Variants in GRPR observed in about 807,000 individuals in gnomAD.
GRPR encodes gastrin-releasing peptide receptor.
GRPR carries 4 observed loss-of-function variants against 15.6 expected under a neutral mutation model. The observed-to-expected ratio is 0.26, with a 90% CI of 0.13 to 0.59. The LOEUF (loss-of-function observed/expected upper bound fraction) is 0.59. Ranked by LOEUF, GRPR falls within the 20% of genes least tolerant of loss-of-function variation. GRPR has a pLI of 0.90. For missense variants in GRPR, 270 were observed against 304.1 expected (o/e 0.89, Z 0.83); for synonymous variants, 128 against 126.8 (o/e 1.01, Z -0.06).
At chrX:16,124,431 A>G in intron 1 of GRPR, 65 bp downstream of exon 1, 2 of 1,005,818 alleles carry the variant, frequency 2.0e-6, no homozygotes, top group Non-Finnish European at 2.8e-6. Context: ...ATGAACTACC[A>G]TGTCGGGACA....
intron 1 of GRPR, among the ~76,000 whole-genome samples, chrX:16,146,327 T>C (rs1252116789): frequency 5.4e-5 from 6 of 111,753 alleles, no homozygotes; most frequent in Non-Finnish European, 1.1e-4. Flanking sequence ...GGACATCTCT[T>C]GTACATTCAA....
chrX:16,149,080 A>G (rs1370995125), intron 1 of GRPR, among the ~76,000 whole-genome samples: 1 of 111,994 alleles, frequency 8.9e-6, no homozygotes, highest in Non-Finnish European at 1.9e-5. Context: ...GTGATTATAC[A>G]TGGGCCTGGC....
Position 16,132,844 on chromosome X carries a change from T to C in GRPR, c.413+8478T>C, listed in dbSNP as rs143779618. On this transcript the variant is annotated intron_variant, in intron 1 of 2. Coordinates refer to ENST00000380289, the MANE Select transcript of GRPR (RefSeq NM_005314.3). ...TGAGTAATCTTAAATACTTATTCAA[T>C]TGATGACTCCTAGTAACCTATTTTT... Among the ~76,000 whole-genome samples the C allele has an allele frequency of 7.1e-3, 796 of 112,099 alleles. 10 individuals are homozygous for C. The highest frequency in any genetic ancestry group is 0.025 in the African/African-American group (766 of 30,961).
At chrX:16,137,332 C>T (rs1922464289) in intron 1 of GRPR, among the ~76,000 whole-genome samples, 2 of 111,721 alleles carry the variant, frequency 1.8e-5, no homozygotes, top group South Asian at 7.5e-4. Context: ...ACCTGGGTCC[C>T]GTGTGATGCT....
intron 1 of GRPR, among the ~76,000 whole-genome samples, chrX:16,131,418 T>G (rs1200633024): frequency 8.9e-6 from 1 of 112,186 alleles, no homozygotes; most frequent in Non-Finnish European, 1.9e-5. Flanking sequence ...GGCCACTGAA[T>G]CTGAAGAAAT....
intron 1 of GRPR, among the ~76,000 whole-genome samples, chrX:16,144,492 A>AG (rs1922576484): frequency 1.8e-5 from 2 of 111,949 alleles, no homozygotes; most frequent in Admixed American, 1.9e-4. Flanking sequence ...AGACTTCCGT[A>AG]GGTAATTATG....
chrX:16,123,680 T>C lies in GRPR; in HGVS notation c.-274T>C. On this transcript the variant is annotated 5_prime_UTR_variant, in exon 1 of 3. Coordinates refer to ENST00000380289, the MANE Select transcript of GRPR (RefSeq NM_005314.3). ...AAGAACTGATGCAGAGTGGGTTTAATTCTAAGCCTTTTTGTGGCTAAGTTT... is the reference window on the plus strand; with the variant it reads ...AAGAACTGATGCAGAGTGGGTTTAACTCTAAGCCTTTTTGTGGCTAAGTTT... 2.8e-6 allele frequency: 1 copy of C among 354,167 alleles called. No individual in the cohort carries two copies. 29.2% of individuals were successfully genotyped at this position (354,167 alleles called of 1,213,427 possible).
chrX:16,143,151 A>G (rs1922554998), intron 1 of GRPR, among the ~76,000 whole-genome samples: 1 of 111,559 alleles, frequency 9.0e-6, no homozygotes, highest in African/African-American at 3.3e-5. Context: ...TCACCCCTCC[A>G]TGCCCTGTTG....
chrX:16,130,796 G>A (rs1382194596), intron 1 of GRPR, among the ~76,000 whole-genome samples: 3 of 112,481 alleles, frequency 2.7e-5, no homozygotes, highest in African/African-American at 9.7e-5. Context: ...TAAGCTGCCA[G>A]TTCATAACTT....
intron 1 of GRPR, among the ~76,000 whole-genome samples, chrX:16,139,860 T>C (rs1922505811): frequency 8.9e-6 from 1 of 112,378 alleles, no homozygotes; most frequent in Admixed American, 9.4e-5. Context: ...TATCTTCTAG[T>C]ATTGTTATGT....
chrX:16,147,756 G>A (rs1327557765), intron 1 of GRPR, among the ~76,000 whole-genome samples: 1 of 112,121 alleles, frequency 8.9e-6, no homozygotes, highest in African/African-American at 3.2e-5. Flanking sequence ...TAAAAGAGAA[G>A]GACGTAAGCC....
rs756525653 is a variant in GRPR, at chrX:16,124,736, GT to G, written c.413+376del. Among the ~76,000 whole-genome samples the G allele has an allele frequency of 8.0e-5, 9 of 112,253 alleles. No homozygotes were observed. The East Asian group carries it at 2.5e-3, about 31-fold the overall frequency. ...AATAGAGTTTAAACCTCAGGCAAATGTTTTTTAGGAGCAATTGAAACCCCTC... is the reference window on the plus strand; with the variant it reads ...AATAGAGTTTAAACCTCAGGCAAATGTTTTTAGGAGCAATTGAAACCCCTC... On this transcript the variant is annotated intron_variant, in intron 1 of 2. Transcript: ENST00000380289.
At chrX:16,146,906 A>ATGT (rs1396919725) in intron 1 of GRPR, among the ~76,000 whole-genome samples, 2 of 112,347 alleles carry the variant, frequency 1.8e-5, no homozygotes, top group African/African-American at 6.5e-5. Context: ...TCTAAATTGA[A>ATGT]TGTTGACTCT....
At chrX:16,129,245 G>C (rs777290463) in intron 1 of GRPR, among the ~76,000 whole-genome samples, 1 of 112,746 alleles carries the variant, frequency 8.9e-6, no homozygotes, top group Admixed American at 9.3e-5. Context: ...TTTCTGCAAG[G>C]AATGTATGTG....
At chrX:16,139,723 C>T (rs979554992) in intron 1 of GRPR, among the ~76,000 whole-genome samples, 1 of 111,822 alleles carries the variant, frequency 8.9e-6, no homozygotes, top group Non-Finnish European at 1.9e-5. Flanking sequence ...TGGACTCAGA[C>T]GCTAGATGGT....
At chrX:16,139,345 T>A (rs1165372957) in intron 1 of GRPR, among the ~76,000 whole-genome samples, 4 of 112,272 alleles carry the variant, frequency 3.6e-5, no homozygotes, top group Non-Finnish European at 7.5e-5. Context: ...AATAACCTTT[T>A]ATTTAAATCC....
At chrX:16,131,878 C>A (rs1922382257) in intron 1 of GRPR, among the ~76,000 whole-genome samples, 1 of 112,134 alleles carries the variant, frequency 8.9e-6, no homozygotes, top group African/African-American at 3.2e-5. Context: ...CATAAACATT[C>A]TTGTACAGTT....
At chrX:16,146,244 T>C (rs1414360177) in intron 1 of GRPR, among the ~76,000 whole-genome samples, 4 of 111,788 alleles carry the variant, frequency 3.6e-5, no homozygotes, top group Non-Finnish European at 5.7e-5. Flanking sequence ...AAGGCTCTTT[T>C]GTTGGCAAAG....
intron 1 of GRPR, among the ~76,000 whole-genome samples, chrX:16,136,188 C>T (rs984491600): frequency 9.0e-6 from 1 of 111,617 alleles, no homozygotes; most frequent in African/African-American, 3.3e-5. Context: ...TCAGTCTCCT[C>T]TTCTATGACC....
Sources: allele counts gnomAD v4.1 joint callset (sites outside exome capture counted in the v4.1 genomes callset), GRCh38; gene constraint gnomAD v4.1.1; transcripts MANE v1.5; gene names NCBI Gene and HGNC (gene_info 2026-07-23, HGNC 2026-07-21).